DSP: variants seen among roughly 807,000 people sequenced by gnomAD.
DSP encodes the protein desmoplakin.
Under a neutral mutation model 290.6 loss-of-function variants are expected in DSP, and 114 were observed. The ratio of observed to expected loss-of-function variants is 0.39; its 90% confidence interval spans 0.34 to 0.46. The LOEUF (loss-of-function observed/expected upper bound fraction) is 0.46, where lower values mean the gene tolerates loss of function less well. DSP is among the 20% of genes least tolerant of loss of function. The pLI, the probability that DSP is intolerant of heterozygous loss-of-function variation, is 0.99. For missense variants in DSP, 3,230 were observed against 3,495.8 expected (o/e 0.92, Z 1.92); for synonymous variants, 1,311 against 1,316.4 (o/e 1.00, Z 0.09).
In DSP at chr6:7,566,182, T is replaced by C. The variant is rs2757633; in HGVS notation, c.940-195T>C. 0.82 allele frequency among the ~76,000 whole-genome samples: 125,205 copies of C among 152,112 alleles called. 52,179 individuals carry two copies. Among genetic ancestry groups the C allele is most frequent in the African/African-American group, 0.96 (39,740 of 41,514 alleles). On this transcript the variant is annotated intron_variant, in intron 7 of 23. Coordinates refer to ENST00000379802, the MANE Select transcript of DSP (RefSeq NM_004415.4). The stretch of plus-strand genomic sequence containing the variant: ...TCCTGTGTCATCTTGAGTAAGCCTC[T>C]GCCACATCCTCTCCTGTAGCAAACA...
chr6:7,549,152 AT>A (rs33986567), intron 1 of DSP, among the ~76,000 whole-genome samples: 73,354 of 149,338 alleles, frequency 0.49, 18,392 homozygotes, highest in African/African-American at 0.61. Flanking sequence ...TGTTTAATGA[AT>A]TTTTTTTTTT....
In DSP at chr6:7,567,287, A is replaced by G. The variant is rs557972717; in HGVS notation, c.1045-67A>G. ...TACTAGCTTTCATGCAGGCTCACCT[A>G]TCTCTTGGTGTTCATGCATCTGTAC... On this transcript the variant is annotated intron_variant, in intron 8 of 23. Coordinates refer to ENST00000379802, the MANE Select transcript of DSP (RefSeq NM_004415.4). 2,046 of 1,236,840 alleles carry G rather than the reference A, an allele frequency of 1.7e-3. 46 individuals carry two copies. The South Asian group carries it at 0.023, about 14-fold the overall frequency. 76.6% of individuals were successfully genotyped at this position (1,236,840 alleles called of 1,614,324 possible).
Position 7,584,236 on chromosome 6 carries a change from T to G in DSP, c.6974T>G (p.Phe2325Cys), listed in dbSNP as rs1349503429. The change falls in exon 24 of 24, where the codon TTC becomes TGC. Residue 2325 changes from phenylalanine to cysteine, a missense_variant. Transcript: ENST00000379802. This position sits in a 1 kb window ranked among gnomAD's most constrained non-coding sequence, Gnocchi z 6.4. The part of the protein sequence containing the change: ...AYKRGLVGIE[F>C]KEKLLSAERA... ...AAGAGAGGTCTGGTGGGCATTGAGT[T>G]CAAAGAGAAGCTCCTGTCTGCAGAA... 20 of 1,614,110 alleles carry G rather than the reference T, an allele frequency of 1.2e-5. No individual in the cohort carries two copies. Among genetic ancestry groups the G allele is most frequent in the Non-Finnish European group, 1.7e-5 (20 of 1,180,016 alleles).
At chr6:7,568,027 C>A in intron 10 of DSP, 121 bp downstream of exon 10, 2 of 1,424,450 alleles carry the variant, frequency 1.4e-6, no homozygotes, top group Non-Finnish European at 1.9e-6. Context: ...GCCAAGCAAG[C>A]ATTTTCTTCA....
Position 7,581,228 on chromosome 6 carries a change from T to C in DSP, c.5038T>C (p.Leu1680=). Residue 1680 remains leucine (L), a synonymous_variant, in exon 23 of 24, where the codon TTG becomes CTG. Transcript: ENST00000379802. ...ACAGGAAAGTGTCAAACAAGCTCACTTGAGGAATGAGCATTTCCAGAAGGC... is the reference window on the plus strand; with the variant it reads ...ACAGGAAAGTGTCAAACAAGCTCACCTGAGGAATGAGCATTTCCAGAAGGC... ...QEQESVKQAH[L]RNEHFQKAIE... is the part of the protein sequence containing the mutation. 6.2e-7 allele frequency: 1 copy of C among 1,614,110 alleles called. No homozygotes were observed. Among genetic ancestry groups the C allele is most frequent in the Non-Finnish European group, 8.5e-7 (1 of 1,180,032 alleles).
Position 7,565,267 on chromosome 6 carries a change from T to A in DSP, c.778-92T>A. On this transcript the variant is annotated intron_variant, in intron 6 of 23. Transcript: ENST00000379802. The surrounding 1 kb of genome is among the most constrained non-coding windows in gnomAD (Gnocchi z 4.2). Reference sequence around the variant, plus strand: ...TTTCCTATCCGTGTGATTTTTTTTTTAAAGGGACCACAGGTTTAATCTTTA... The same window carrying A: ...TTTCCTATCCGTGTGATTTTTTTTTAAAAGGGACCACAGGTTTAATCTTTA... The A allele has an allele frequency of 2.6e-6, 4 of 1,524,406 alleles. No homozygotes were observed. Among genetic ancestry groups the A allele is most frequent in the Non-Finnish European group, 3.6e-6 (4 of 1,109,866 alleles). The allele number at this position is 1,524,406 out of a possible 1,614,324, so 94.4% of individuals were successfully genotyped here.
At position 7,579,982 on chromosome 6, in the gene DSP, T is replaced by C. The variant is rs766726853; in HGVS notation, c.3792T>C (p.Thr1264=). 3 of 1,614,120 alleles carry C rather than the reference T, an allele frequency of 1.9e-6. No individual in the cohort carries two copies. The highest frequency in any genetic ancestry group is 1.6e-4 in the Middle Eastern group (1 of 6,062). Residue 1264 remains threonine, a synonymous_variant, in exon 23 of 24, where the codon ACT becomes ACC. Transcript: ENST00000379802. This position sits in a 1 kb window ranked among gnomAD's most constrained non-coding sequence, Gnocchi z 4.1. ...VRLNDSILQA[T]EQRRRAEENA... ...TCAATGACAGCATCTTGCAGGCCAC[T>C]GAGCAGCGAAGGCGAGCTGAAGAAA...
chr6:7,566,565 T>C, intron 8 of DSP, 84 bp downstream of exon 8: 1 of 1,132,636 alleles, frequency 8.8e-7, no homozygotes, highest in Non-Finnish European at 1.3e-6. Context: ...AATTCTTATA[T>C]GACTTAAAGC....
intron 10 of DSP, 85 bp from the exon 11 acceptor site, chr6:7,568,352 T>C: frequency 5.5e-6 from 8 of 1,452,390 alleles, no homozygotes; most frequent in Non-Finnish European, 7.7e-6. Flanking sequence ...CAGTGTGTCA[T>C]GTAGCTACAT....
intron 11 of DSP, 125 bp from the exon 12 acceptor site, chr6:7,569,061 T>C (rs1758950587): frequency 2.3e-6 from 3 of 1,315,058 alleles, no homozygotes; most frequent in Non-Finnish European, 3.2e-6. Context: ...TCAGCTTCAT[T>C]TGAGGGGAAA....
In DSP at chr6:7,558,270, G is replaced by T. The variant is rs771695490; in HGVS notation, c.422+6G>T. The T allele has an allele frequency of 2.5e-6, 4 of 1,613,476 alleles. No homozygotes were observed. In the South Asian group the frequency reaches 4.4e-5, roughly 18 times the overall value. ...TGTGATGCTTACCAGAAAAGGTATT[G>T]TCCACAGAGCATGGATCGGGCAGTC... is the stretch of plus-strand genomic sequence containing the variant. On this transcript the variant is annotated splice_donor_region_variant and intron_variant, in intron 3 of 23. Coordinates refer to ENST00000379802, the MANE Select transcript of DSP (RefSeq NM_004415.4).
chr6:7,580,884 A>G lies in DSP; in HGVS notation c.4694A>G (p.Glu1565Gly). 1 of 1,614,134 alleles carries G rather than the reference A, an allele frequency of 6.2e-7. No homozygotes were observed. The highest frequency in any genetic ancestry group is 1.7e-5 in the Admixed American group (1 of 60,022). ...DITRFQNSLK[E>G]LQLQKQKVEE... ...ACGCGGTTCCAGAACTCTCTGAAAGAGCTGCAGCTGCAGAAGCAGAAGGTG... is the reference window on the plus strand; with the variant it reads ...ACGCGGTTCCAGAACTCTCTGAAAGGGCTGCAGCTGCAGAAGCAGAAGGTG... The change falls in exon 23 of 24, where the codon GAG (glutamate) becomes GGG (glycine). Residue 1565 changes from glutamate to glycine, a missense_variant. Physicochemically the swap from Glu to Gly is moderately conservative, Grantham distance 98. Around this residue, in one of 5 missense-constraint regions of DSP, gnomAD observed 1,714 missense variants for 1,844.5 expected, o/e 0.93. Transcript: ENST00000379802. This position sits in a 1 kb window ranked among gnomAD's most constrained non-coding sequence, Gnocchi z 4.2.
At chr6:7,567,276 C>T in intron 8 of DSP, 78 bp from the exon 9 acceptor site, 1 of 1,143,712 alleles carries the variant, frequency 8.7e-7, no homozygotes, top group South Asian at 1.2e-5. Flanking sequence ...AGCTTTCATG[C>T]AGGCTCACCT....
chr6:7,580,039 G>A lies in DSP; in HGVS notation c.3849G>A (p.Glu1283=), dbSNP rs2113692806. Residue 1283 remains glutamate, a synonymous_variant, in exon 23 of 24, where the codon GAG becomes GAA. Coordinates refer to ENST00000379802, the MANE Select transcript of DSP (RefSeq NM_004415.4). The surrounding 1 kb of genome is among the most constrained non-coding windows in gnomAD (Gnocchi z 4.2). ...NALQQKACGS[E]IMQKKQHLEI... ...TTCAGCAAAAGGCCTGTGGCTCTGA[G>A]ATAATGCAGAAGAAGCAGCATCTGG... The A allele has an allele frequency of 6.2e-7, 1 of 1,614,142 alleles. No individual in the cohort carries two copies. Among genetic ancestry groups the A allele is most frequent in the Non-Finnish European group, 8.5e-7 (1 of 1,180,024 alleles).
rs1759644773 is a variant in DSP, at chr6:7,585,736, C to G, written c.8474C>G (p.Ser2825Cys). ...SPYNMSSAPG[S>C]RSGSRSGSRS... is the part of the protein sequence containing the mutation. ...TACAACATGTCTTCGGCTCCGGGGTCCCGCTCCGGCTCCCGCTCGGGATCT... is the reference window on the plus strand; with the variant it reads ...TACAACATGTCTTCGGCTCCGGGGTGCCGCTCCGGCTCCCGCTCGGGATCT... The change falls in exon 24 of 24, where the codon TCC becomes TGC. Residue 2825 changes from serine (S) to cysteine (C), a missense_variant. By Grantham distance (112) the Ser-to-Cys change is moderately radical. Around this residue, in one of 5 missense-constraint regions of DSP, gnomAD observed 582 missense variants for 555.4 expected, o/e 1.05. Coordinates refer to ENST00000379802, the MANE Select transcript of DSP (RefSeq NM_004415.4). 1 of 1,609,848 alleles carries G rather than the reference C, an allele frequency of 6.2e-7. No homozygotes were observed. Among genetic ancestry groups the G allele is most frequent in the East Asian group, 2.2e-5 (1 of 44,826 alleles).
chr6:7,580,704 C>T lies in DSP; in HGVS notation c.4514C>T (p.Ala1505Val), dbSNP rs375919492. 4.2e-5 allele frequency: 67 copies of T among 1,613,946 alleles called. No homozygotes were observed. The highest frequency in any genetic ancestry group is 4.9e-5 in the Non-Finnish European group (58 of 1,180,018). The change falls in exon 23 of 24, where the codon GCG becomes GTG. Residue 1505 changes from alanine to valine, a missense_variant. By Grantham distance (64) the Ala-to-Val change is moderately conservative (BLOSUM62 0). Coordinates refer to ENST00000379802, the MANE Select transcript of DSP (RefSeq NM_004415.4). This position sits in a 1 kb window ranked among gnomAD's most constrained non-coding sequence, Gnocchi z 4.2. ...CGGAAATGCCTGGAAGATGAAAACG[C>T]GAGATTACAAAGGGTCCAGTATGAC... Reference protein sequence around the residue: ...NDRKCLEDENARLQRVQYDLQ... With the variant: ...NDRKCLEDENVRLQRVQYDLQ...
At chr6:7,546,993 AG>A (rs926593585) in intron 1 of DSP, among the ~76,000 whole-genome samples, 3 of 152,118 alleles carry the variant, frequency 2.0e-5, no homozygotes, top group African/African-American at 7.2e-5. Flanking sequence ...GGAGCAAAGG[AG>A]GGCTTGGGTG....
Position 7,579,243 on chromosome 6 carries a change from C to T in DSP, c.3085-32C>T. Reference sequence around the variant, plus strand: ...CTTTCTTGGAATGTGAGGTGTTTTTCTTTTGACATAATCTCTGATTTCATT... The same window carrying T: ...CTTTCTTGGAATGTGAGGTGTTTTTTTTTTGACATAATCTCTGATTTCATT... On this transcript the variant is annotated intron_variant, in intron 22 of 23. Coordinates refer to ENST00000379802, the MANE Select transcript of DSP (RefSeq NM_004415.4). This position sits in a 1 kb window ranked among gnomAD's most constrained non-coding sequence, Gnocchi z 4.1. 1 of 1,612,444 alleles carries T rather than the reference C, an allele frequency of 6.2e-7. No individual in the cohort carries two copies. The highest frequency in any genetic ancestry group is 8.5e-7 in the Non-Finnish European group (1 of 1,179,242).
intron 12 of DSP, 120 bp from the exon 13 acceptor site, chr6:7,570,317 T>C: frequency 7.0e-7 from 1 of 1,435,550 alleles, no homozygotes; most frequent in Non-Finnish European, 9.8e-7. Flanking sequence ...TACCTCTACC[T>C]GTTACTTTAT....
Sources: allele counts gnomAD v4.1 joint callset (sites outside exome capture counted in the v4.1 genomes callset), GRCh38; gene constraint gnomAD v4.1.1; regional missense constraint gnomAD v4.1.1; non-coding constraint Gnocchi (gnomAD v3.1); transcripts MANE v1.5; gene names NCBI Gene and HGNC (gene_info 2026-07-23, HGNC 2026-07-21).